CCDC7: variants seen among roughly 807,000 people sequenced by gnomAD.
CCDC7 encodes the protein coiled-coil domain-containing protein 7.
In CCDC7, 183 loss-of-function variants were observed where a neutral mutation model predicts 196.9. That is an observed-to-expected ratio of 0.93 (90% CI 0.82 to 1.05). The LOEUF (loss-of-function observed/expected upper bound fraction) is 1.05. Ranked by LOEUF, CCDC7 falls within the 50% of genes least tolerant of loss-of-function variation. The probability of loss-of-function intolerance (pLI) is 0.00; values close to 1 mark genes in which losing one functional copy is unlikely to be tolerated. For synonymous variants in CCDC7, 525 were observed against 484.6 expected, an observed-to-expected ratio of 1.08 and a Z score of -1.10; for missense variants, 1,540 against 1,482.2, an observed-to-expected ratio of 1.04 and a Z score of -0.64.
intron 24 of CCDC7, among the ~76,000 whole-genome samples, chr10:32,710,531 C>T (rs2080647272): frequency 6.6e-6 from 1 of 152,188 alleles, no homozygotes; most frequent in Non-Finnish European, 1.5e-5. Context: ...AGAGGAGGAC[C>T]ACTGGTGTCC....
intron 25 of CCDC7, chr10:32,725,302 A>C (rs1029912635): frequency 2.1e-6 from 1 of 470,564 alleles, no homozygotes; most frequent in African/African-American, 2.0e-5. Flanking sequence ...CTTAGCATAT[A>C]CTACTACAAA....
chr10:32,718,458 G>A (rs141418009), intron 25 of CCDC7, among the ~76,000 whole-genome samples: 281 of 152,172 alleles, frequency 1.8e-3, no homozygotes, highest in Non-Finnish European at 2.7e-3. Context: ...TTTGAAAACC[G>A]GCACAAGACA....
chr10:32,504,115 GTTTT>G (rs748760643), intron 9 of CCDC7, among the ~76,000 whole-genome samples: 1 of 96,272 alleles, frequency 1.0e-5, no homozygotes, highest in African/African-American at 4.3e-5. Context: ...TTTATTGCTG[GTTTT>G]TTTTTTTTTT....
In CCDC7 at chr10:32,541,369, G is replaced by T. The variant is rs370463565; in HGVS notation, c.994-1931G>T. On this transcript the variant is annotated intron_variant, in intron 11 of 41. Transcript: ENST00000639629. ...GCTCTAGGAGGTGTTGCCCATATGG[G>T]TATCAATGGGAGGGGTGGGTGGGGT... 1.3e-3 allele frequency among the ~76,000 whole-genome samples: 149 copies of T among 111,696 alleles called. 1 individual carries two copies. Among genetic ancestry groups the T allele is most frequent in the Middle Eastern group, 6.0e-3 (1 of 168 alleles). The allele number at this position is 111,696 out of a possible 152,430, so 73.3% of individuals were successfully genotyped here.
intron 18 of CCDC7, among the ~76,000 whole-genome samples, chr10:32,598,184 C>T (rs895849429): frequency 6.6e-6 from 1 of 152,152 alleles, no homozygotes. Context: ...CTTTGTTTAC[C>T]TATTCAAGCC....
At chr10:32,816,686 G>A (rs915685356) in intron 31 of CCDC7, among the ~76,000 whole-genome samples, 6 of 152,118 alleles carry the variant, frequency 3.9e-5, no homozygotes, top group African/African-American at 7.2e-5. Flanking sequence ...ACCAATATCC[G>A]CTGTTCTGCA....
intron 25 of CCDC7, among the ~76,000 whole-genome samples, chr10:32,714,332 G>A (rs901205800): frequency 7.2e-5 from 11 of 152,294 alleles, no homozygotes; most frequent in African/African-American, 2.2e-4. Flanking sequence ...AAGGGAAGCC[G>A]TGAGGGACTG....
intron 20 of CCDC7, among the ~76,000 whole-genome samples, chr10:32,637,062 T>G (rs553562232): frequency 6.6e-6 from 1 of 152,370 alleles, no homozygotes; most frequent in Admixed American, 6.5e-5. Context: ...TTTCGCCCAC[T>G]TTTTGATGGG....
chr10:32,732,756 C>T (rs1446866714), intron 28 of CCDC7, among the ~76,000 whole-genome samples: 1 of 152,094 alleles, frequency 6.6e-6, no homozygotes, highest in Non-Finnish European at 1.5e-5. Context: ...CCCCCACCTA[C>T]ATGTAGCATT....
chr10:32,648,708 G>C (rs1385095244), intron 20 of CCDC7, among the ~76,000 whole-genome samples: 1 of 152,088 alleles, frequency 6.6e-6, no homozygotes, highest in Non-Finnish European at 1.5e-5. Context: ...TAGCCATTCT[G>C]ACAAACTTGA....
chr10:32,605,782 G>A (rs2061502970), intron 18 of CCDC7, among the ~76,000 whole-genome samples: 3 of 152,066 alleles, frequency 2.0e-5, no homozygotes, highest in Non-Finnish European at 4.4e-5. Context: ...AAAATTCCAA[G>A]TTATATTTAA....
intron 18 of CCDC7, among the ~76,000 whole-genome samples, chr10:32,595,280 G>C (rs979750090): frequency 2.0e-5 from 3 of 152,000 alleles, no homozygotes; most frequent in Non-Finnish European, 4.4e-5. Context: ...GTCTTGGGAG[G>C]GTATATGTGT....
At chr10:32,503,351 T>C (rs1346388122) in intron 9 of CCDC7, among the ~76,000 whole-genome samples, 1 of 152,208 alleles carries the variant, frequency 6.6e-6, no homozygotes, top group Non-Finnish European at 1.5e-5. Context: ...GGTCTTATTA[T>C]GAAAGGATGT....
chr10:32,446,157 C>G (rs1191191357), exon 1 of CCDC7: 1 of 152,150 alleles, frequency 6.6e-6, no homozygotes, highest in Non-Finnish European at 1.5e-5. Flanking sequence ...CCATCCGGCG[C>G]CGGCGGCGGG....
intron 20 of CCDC7, among the ~76,000 whole-genome samples, chr10:32,643,948 A>G (rs2067302923): frequency 6.6e-6 from 1 of 151,832 alleles, no homozygotes; most frequent in Admixed American, 6.6e-5. Context: ...TTAAATTTTT[A>G]TAAAAATGAA....
chr10:32,556,604 CTA>C (rs1339755915), intron 13 of CCDC7, among the ~76,000 whole-genome samples: 1 of 152,104 alleles, frequency 6.6e-6, no homozygotes, highest in Non-Finnish European at 1.5e-5. Context: ...ATCATGGCTT[CTA>C]TGTGTATGTT....
intron 29 of CCDC7, among the ~76,000 whole-genome samples, chr10:32,785,602 A>G (rs762145570): frequency 1.3e-5 from 2 of 152,180 alleles, no homozygotes; most frequent in African/African-American, 2.4e-5. Flanking sequence ...AGATTAAAAT[A>G]AGAGAATTAT....
At chr10:32,848,695 A>G in exon 39 of CCDC7, 1 of 1,547,280 alleles carries the variant, frequency 6.5e-7, no homozygotes, top group Non-Finnish European at 8.9e-7. Context: ...AAAGTGATCA[A>G]TTTATCACCC....
chr10:32,612,026 C>T (rs2062204936), intron 18 of CCDC7, among the ~76,000 whole-genome samples: 1 of 152,116 alleles, frequency 6.6e-6, no homozygotes, highest in Non-Finnish European at 1.5e-5. Context: ...GCCATTTTCA[C>T]AATATTGATT....
Sources: allele counts gnomAD v4.1 joint callset (sites outside exome capture counted in the v4.1 genomes callset), GRCh38; gene constraint gnomAD v4.1.1; transcripts MANE v1.5; gene names NCBI Gene and HGNC (gene_info 2026-07-23, HGNC 2026-07-21).